CHSY1: variants seen among roughly 807,000 people sequenced by gnomAD.
The protein encoded by CHSY1 is N-acetylgalactosaminyl-proteoglycan 3-beta-glucuronosyltransferase 1.
A neutral mutation model predicts 59.8 loss-of-function variants in CHSY1; 13 were observed. The observed-to-expected ratio is 0.22, with a 90% CI of 0.14 to 0.35. CHSY1 has a LOEUF of 0.35. Ranked by LOEUF, CHSY1 falls within the 10% of genes least tolerant of loss-of-function variation. The pLI is 1.00. For missense variants in CHSY1, 947 were observed against 1,030.6 expected (o/e 0.92, Z 1.11); for synonymous variants, 459 against 401.2 (o/e 1.14, Z -1.72).
intron 2 of CHSY1, among the ~76,000 whole-genome samples, chr15:101,191,393 G>C (rs2038442970): frequency 6.6e-6 from 1 of 152,202 alleles, no homozygotes; most frequent in Non-Finnish European, 1.5e-5. Flanking sequence ...ACAGTAAAAA[G>C]ATGAGTGGTT....
intron 2 of CHSY1, among the ~76,000 whole-genome samples, chr15:101,193,463 C>T: frequency 6.7e-6 from 1 of 149,214 alleles, no homozygotes; most frequent in East Asian, 2.0e-4. Context: ...TTCCCCTGGG[C>T]AAGGGGCCAC....
chr15:101,204,044 G>A (rs1054655550), intron 2 of CHSY1, among the ~76,000 whole-genome samples: 1 of 152,178 alleles, frequency 6.6e-6, no homozygotes, highest in African/African-American at 2.4e-5. Flanking sequence ...TTACTGCGTT[G>A]TGTTTATGTC....
At chr15:101,212,412 A>G (rs569453295) in intron 2 of CHSY1, among the ~76,000 whole-genome samples, 6 of 152,198 alleles carry the variant, frequency 3.9e-5, no homozygotes, top group Non-Finnish European at 8.8e-5. Context: ...AACTAGAAAT[A>G]CTCCAGGTGA....
chr15:101,201,520 ATCT>A (rs2038574160), intron 2 of CHSY1, among the ~76,000 whole-genome samples: 1 of 152,216 alleles, frequency 6.6e-6, no homozygotes, highest in Admixed American at 6.5e-5. Context: ...GGTCTGACCC[ATCT>A]GATTGGTGGA....
chr15:101,248,324 CT>C (rs1214338214), intron 1 of CHSY1, among the ~76,000 whole-genome samples: 1 of 152,218 alleles, frequency 6.6e-6, no homozygotes, highest in Non-Finnish European at 1.5e-5. Context: ...AGTTCCTTAA[CT>C]TTTAGCCTTA....
chr15:101,208,696 G>C (rs918868059), intron 2 of CHSY1, among the ~76,000 whole-genome samples: 3 of 137,928 alleles, frequency 2.2e-5, no homozygotes, highest in African/African-American at 8.7e-5. Context: ...CTGGGTGACA[G>C]AGCAAGGCTC....
chr15:101,223,946 G>A (rs1208444124), intron 2 of CHSY1, among the ~76,000 whole-genome samples: 1 of 152,244 alleles, frequency 6.6e-6, no homozygotes, highest in Non-Finnish European at 1.5e-5. Flanking sequence ...CTTAGACTGT[G>A]GTCCCGTAAG....
At chr15:101,189,985 T>C (rs1194082323) in intron 2 of CHSY1, among the ~76,000 whole-genome samples, 2 of 152,194 alleles carry the variant, frequency 1.3e-5, no homozygotes, top group African/African-American at 2.4e-5. Context: ...GGGTCATGCG[T>C]TACACTCAGA....
At chr15:101,191,194 A>G (rs57780499) in intron 2 of CHSY1, among the ~76,000 whole-genome samples, 2,499 of 152,388 alleles carry the variant, frequency 0.016, 31 homozygotes, top group East Asian at 0.072. Context: ...GTGAATGAAT[A>G]AACTGTGGCA....
intron 1 of CHSY1, among the ~76,000 whole-genome samples, chr15:101,242,792 G>T (rs576010379): frequency 6.6e-6 from 1 of 152,202 alleles, no homozygotes; most frequent in Non-Finnish European, 1.5e-5. Flanking sequence ...TGCAGCAAAT[G>T]CATTCAGCTG....
chr15:101,183,862 T>C (rs1325734894), intron 2 of CHSY1, among the ~76,000 whole-genome samples: 1 of 151,770 alleles, frequency 6.6e-6, no homozygotes, highest in Non-Finnish European at 1.5e-5. Flanking sequence ...AGGAAACAGC[T>C]GATGATGACA....
intron 2 of CHSY1, among the ~76,000 whole-genome samples, chr15:101,218,301 T>C (rs534720991): frequency 1.3e-5 from 2 of 152,284 alleles, no homozygotes; most frequent in East Asian, 3.9e-4. Context: ...TTTCTGTAAA[T>C]CTAAAACTCT....
rs543648157 is a variant in CHSY1 at position 101,199,269 on chromosome 15, C to T, written c.817-20289G>A. On this transcript the variant is annotated intron_variant, in intron 2 of 2. Coordinates refer to ENST00000254190, the MANE Select transcript of CHSY1 (RefSeq NM_014918.5). ...CTGTAATCCCTGCACTTTGGGAGGCCGAGGTGGGTGGATCATGAGGTCAGG... is the reference window on the plus strand; with the variant it reads ...CTGTAATCCCTGCACTTTGGGAGGCTGAGGTGGGTGGATCATGAGGTCAGG... 1.4e-4 allele frequency among the ~76,000 whole-genome samples: 22 copies of T among 152,208 alleles called. No homozygotes were observed. In the South Asian group the frequency reaches 4.4e-3, roughly 30 times the overall value.
chr15:101,221,587 T>C (rs201114434), intron 2 of CHSY1, among the ~76,000 whole-genome samples: 1 of 152,230 alleles, frequency 6.6e-6, no homozygotes, highest in Non-Finnish European at 1.5e-5. Flanking sequence ...ACCAGAATTC[T>C]AAATTATTAC....
intron 1 of CHSY1, among the ~76,000 whole-genome samples, chr15:101,250,848 A>G (rs533753328): frequency 6.6e-6 from 1 of 152,326 alleles, no homozygotes; most frequent in Middle Eastern, 3.4e-3. Context: ...TCTAACGAGA[A>G]GCTTCGATTT....
Position 101,178,921 on chromosome 15 carries a change from G to C in CHSY1, c.876C>G (p.Leu292=). The C allele has an allele frequency of 6.2e-7, 1 of 1,613,978 alleles. No individual in the cohort carries two copies. ...TAGCTTGGTGAATTTTACTGTTATG[G>C]AGATCTCTAATGTACCCCTTTTTGT... is the stretch of plus-strand genomic sequence containing the variant. ...EQNKKGYIRD[L]HNSKIHQAIT... Residue 292 remains leucine, a synonymous_variant, in exon 3 of 3, where the codon CTC becomes CTG. Coordinates refer to ENST00000254190, the MANE Select transcript of CHSY1 (RefSeq NM_014918.5).
chr15:101,222,553 A>C (rs754323482), intron 2 of CHSY1, among the ~76,000 whole-genome samples: 3 of 152,050 alleles, frequency 2.0e-5, no homozygotes, highest in Non-Finnish European at 2.9e-5. Context: ...TTTCTCTTCC[A>C]ATCTAGGGCC....
chr15:101,198,128 A>G (rs771127277), intron 2 of CHSY1, among the ~76,000 whole-genome samples: 16 of 151,952 alleles, frequency 1.1e-4, no homozygotes, highest in Non-Finnish European at 1.5e-4. Context: ...GCAGAGTGTG[A>G]GTGAGAGACC....
At chr15:101,209,160 A>G (rs2038658303) in intron 2 of CHSY1, among the ~76,000 whole-genome samples, 1 of 152,202 alleles carries the variant, frequency 6.6e-6, no homozygotes. Context: ...AAATGACCAA[A>G]GTTAATACTA....
Sources: allele counts gnomAD v4.1 joint callset (sites outside exome capture counted in the v4.1 genomes callset), GRCh38; gene constraint gnomAD v4.1.1; transcripts MANE v1.5; gene names NCBI Gene and HGNC (gene_info 2026-07-23, HGNC 2026-07-21).